Variants in SLC44A5 observed in about 807,000 individuals in gnomAD.
SLC44A5 encodes the protein choline transporter-like protein 5.
A neutral mutation model predicts 101.8 loss-of-function variants in SLC44A5; 57 were observed. The observed-to-expected ratio is 0.56, with a 90% CI of 0.45 to 0.70. The LOEUF (loss-of-function observed/expected upper bound fraction) is 0.70, where lower values mean the gene tolerates loss of function less well. Ranked by LOEUF, SLC44A5 falls within the 30% of genes least tolerant of loss-of-function variation. SLC44A5 has a pLI of 0.00. For missense variants in SLC44A5, 737 were observed against 853.1 expected, an observed-to-expected ratio of 0.86 and a Z score of 1.70; for synonymous variants, 281 against 290.9, an observed-to-expected ratio of 0.97 and a Z score of 0.35.
the SLC44A5 span, among the ~76,000 whole-genome samples, chr1:75,675,308 T>C: frequency 2.0e-5 from 3 of 152,198 alleles, no homozygotes; most frequent in African/African-American, 7.2e-5. Context: ...TCATAGTTCT[T>C]CTTGAACAGG....
chr1:75,446,684 ACAC>A (rs1470789490), intron 2 of SLC44A5, among the ~76,000 whole-genome samples: 1 of 151,988 alleles, frequency 6.6e-6, no homozygotes, highest in Non-Finnish European at 1.5e-5. Context: ...ACATACACAC[ACAC>A]AATGGTTGAA....
At chr1:75,667,669 G>GATA in the SLC44A5 span, among the ~76,000 whole-genome samples, 4 of 152,152 alleles carry the variant, frequency 2.6e-5, no homozygotes, top group Non-Finnish European at 5.9e-5. Flanking sequence ...CTGAGACACA[G>GATA]ATATGTATAG....
chr1:75,248,037 T>C (rs1214105691), intron 7 of SLC44A5, among the ~76,000 whole-genome samples: 1 of 152,118 alleles, frequency 6.6e-6, no homozygotes, highest in African/African-American at 2.4e-5. Flanking sequence ...TAAAAATCCT[T>C]GTCCTTAAGC....
chr1:75,399,437 C>T (rs773612189), intron 2 of SLC44A5, among the ~76,000 whole-genome samples: 6 of 152,146 alleles, frequency 3.9e-5, no homozygotes, highest in East Asian at 3.9e-4. Flanking sequence ...GAGATATTCT[C>T]GAGGGCAATA....
chr1:75,630,276 G>A, the SLC44A5 span, among the ~76,000 whole-genome samples: 2 of 152,034 alleles, frequency 1.3e-5, no homozygotes, highest in African/African-American at 4.8e-5. Flanking sequence ...GGATTTCTGG[G>A]GTCCACCTCT....
chr1:75,560,906 C>G (rs1672481818), intron 1 of SLC44A5, among the ~76,000 whole-genome samples: 1 of 152,134 alleles, frequency 6.6e-6, no homozygotes, highest in Admixed American at 6.6e-5. Context: ...CCAATAAATA[C>G]ATTAACTATG....
At chr1:75,523,225 G>T (rs568957872) in intron 2 of SLC44A5, among the ~76,000 whole-genome samples, 1 of 152,242 alleles carries the variant, frequency 6.6e-6, no homozygotes, top group South Asian at 2.1e-4. Context: ...GTACTTACCT[G>T]TGCCCTTCAG....
chr1:75,337,092 A>G (rs1657503198), intron 4 of SLC44A5, among the ~76,000 whole-genome samples: 1 of 151,356 alleles, frequency 6.6e-6, no homozygotes, highest in Non-Finnish European at 1.5e-5. Context: ...GTTTTGTCTC[A>G]AGTGTAATAA....
intron 3 of SLC44A5, among the ~76,000 whole-genome samples, chr1:75,358,392 T>C (rs967214911): frequency 6.6e-6 from 1 of 152,194 alleles, no homozygotes; most frequent in Non-Finnish European, 1.5e-5. Context: ...TTTGGTATGT[T>C]AGTCAAAGTT....
intron 2 of SLC44A5, among the ~76,000 whole-genome samples, chr1:75,492,409 G>A (rs1279198850): frequency 6.6e-6 from 1 of 152,046 alleles, no homozygotes; most frequent in East Asian, 1.9e-4. Context: ...TTGCCCAGTG[G>A]CTATGACAAT....
At chr1:75,547,575 T>G (rs933662524) in intron 1 of SLC44A5, among the ~76,000 whole-genome samples, 2 of 152,276 alleles carry the variant, frequency 1.3e-5, no homozygotes, top group Non-Finnish European at 2.9e-5. Flanking sequence ...GCAACAGTTT[T>G]TGGGGATGCT....
chr1:75,223,092 C>T (rs771006203), intron 13 of SLC44A5, among the ~76,000 whole-genome samples: 2 of 152,104 alleles, frequency 1.3e-5, no homozygotes, highest in South Asian at 2.1e-4. Context: ...ATACAAACTG[C>T]GTCAAAACCA....
At chr1:75,556,098 C>A (rs577712782) in intron 1 of SLC44A5, among the ~76,000 whole-genome samples, 22 of 152,010 alleles carry the variant, frequency 1.4e-4, no homozygotes, top group African/African-American at 3.9e-4. Context: ...GGAAGGATTA[C>A]AAAGGAGAAT....
In SLC44A5 at chr1:75,219,818, T is replaced by G; in HGVS notation, c.1160A>C (p.Tyr387Ser). 1 of 1,612,502 alleles carries G rather than the reference T, an allele frequency of 6.2e-7. No individual in the cohort carries two copies. The highest frequency in any genetic ancestry group is 8.5e-7 in the Non-Finnish European group (1 of 1,178,942). Residue 387 changes from tyrosine to serine, a missense_variant, in exon 15 of 24, where the codon TAC (tyrosine) becomes TCC (serine). Transcript: ENST00000370859. ...TFILLSICICYWVVTAVFLAT... is the reference protein window; with the variant it reads ...TFILLSICICSWVVTAVFLAT... ...AGGATACACTGCTGTCACGACCCAG[T>G]AGCAAATGCAGATTGAGAGCAAAAT...
intron 5 of SLC44A5, among the ~76,000 whole-genome samples, chr1:75,294,362 T>C (rs1041957342): frequency 2.0e-5 from 3 of 152,172 alleles, no homozygotes; most frequent in Non-Finnish European, 4.4e-5. Context: ...AAAAAAGGAA[T>C]TCTTGTACAC....
the SLC44A5 span, among the ~76,000 whole-genome samples, chr1:75,643,463 T>G: frequency 1.7e-3 from 253 of 152,334 alleles, 1 homozygote; most frequent in African/African-American, 5.5e-3. Context: ...TTCATTTACA[T>G]TCTAGATTGT....
At chr1:75,254,382 A>T (rs1289307659) in intron 6 of SLC44A5, among the ~76,000 whole-genome samples, 1 of 152,122 alleles carries the variant, frequency 6.6e-6, no homozygotes, top group East Asian at 1.9e-4. Context: ...TGGTGGTTGC[A>T]GCTGAGCAAT....
chr1:75,554,894 A>C (rs172449), intron 1 of SLC44A5, among the ~76,000 whole-genome samples: 60,963 of 151,790 alleles, frequency 0.4, 13,193 homozygotes, highest in East Asian at 0.78. Flanking sequence ...AGTAAACACC[A>C]AAACACAATA....
intron 6 of SLC44A5, among the ~76,000 whole-genome samples, chr1:75,259,385 A>G (rs1315011125): frequency 1.3e-5 from 2 of 152,180 alleles, no homozygotes; most frequent in East Asian, 3.9e-4. Context: ...CAAAGCATAC[A>G]CAAGTATCAA....
Sources: allele counts gnomAD v4.1 joint callset (sites outside exome capture counted in the v4.1 genomes callset), GRCh38; gene constraint gnomAD v4.1.1; transcripts MANE v1.5; gene names NCBI Gene and HGNC (gene_info 2026-07-23, HGNC 2026-07-21).